Variants in NOL4L observed in about 807,000 individuals in gnomAD.
The protein encoded by NOL4L is nucleolar protein 4 like, also known as nucleolar protein 4-like.
Under a neutral mutation model 64.5 loss-of-function variants are expected in NOL4L, and 7 were observed. The ratio of observed to expected loss-of-function variants is 0.11; its 90% confidence interval spans 0.06 to 0.20. The LOEUF is 0.20. NOL4L is among the 10% of genes least tolerant of loss of function. The pLI is 1.00. For missense variants in NOL4L, 680 were observed against 967.1 expected, an observed-to-expected ratio of 0.70 and a Z score of 3.94; for synonymous variants, 413 against 401.0, an observed-to-expected ratio of 1.03 and a Z score of -0.36.
intron 1 of NOL4L, 72 bp from the exon 2 acceptor site, chr20:32,527,985 G>T (rs754252937): frequency 4.5e-5 from 66 of 1,468,142 alleles, no homozygotes; most frequent in Non-Finnish European, 5.9e-5. Context: ...CTGAGGCCGG[G>T]GCAAGGGGTC....
intron 4 of NOL4L, among the ~76,000 whole-genome samples, chr20:32,487,921 G>A (rs1468364621): frequency 4.4e-5 from 6 of 135,198 alleles, no homozygotes; most frequent in Non-Finnish European, 7.6e-5. Flanking sequence ...CACAGTTTTT[G>A]TTTGTTGGTT....
At chr20:32,535,823 G>A (rs1401681125) in intron 1 of NOL4L, 2 of 985,458 alleles carry the variant, frequency 2.0e-6, no homozygotes, top group Non-Finnish European at 2.4e-6. Flanking sequence ...AGAAGGAGAG[G>A]GGCTGGGGAA....
In NOL4L at chr20:32,504,128, TG is replaced by T. The variant is rs1322722201; in HGVS notation, c.699+7218del. 7.2e-5 allele frequency among the ~76,000 whole-genome samples: 11 copies of T among 152,338 alleles called. No homozygotes were observed. The East Asian group carries it at 2.1e-3, about 29-fold the overall frequency. On this transcript the variant is annotated intron_variant, in intron 4 of 10. Coordinates refer to ENST00000621426, the MANE Select transcript of NOL4L (RefSeq NM_001256798.2). ...TATATGTATACATAAATCTCTTTTT[TG>T]TGGTTTCTTCGTTTAGTCCCCATGT...
At chr20:32,497,624 C>G (rs1310051857) in intron 4 of NOL4L, among the ~76,000 whole-genome samples, 2 of 152,172 alleles carry the variant, frequency 1.3e-5, no homozygotes, top group Non-Finnish European at 2.9e-5. Context: ...CGAATCCCTT[C>G]TGGGTCTTGG....
At position 32,448,182 on chromosome 20, in the gene NOL4L, C is replaced by G. The variant is rs182379924; in HGVS notation, c.1823-366G>C. Among the ~76,000 whole-genome samples the G allele has an allele frequency of 2.6e-5, 4 of 152,328 alleles. No individual in the cohort carries two copies. In the East Asian group the frequency reaches 7.7e-4, roughly 29 times the overall value. ...TGTGGGACAAGTGCTAAAAGAAAGC[C>G]TCTGCCAGTGTGCCTAAAGGAGCAG... On this transcript the variant is annotated intron_variant, in intron 10 of 10. Transcript: ENST00000621426.
chr20:32,488,728 CTTTCT>C (rs1471356739), intron 4 of NOL4L, among the ~76,000 whole-genome samples: 3 of 151,374 alleles, frequency 2.0e-5, no homozygotes, highest in African/African-American at 7.3e-5. Context: ...CTTTTTCTTT[CTTTCT>C]TTTCTTTCTT....
intron 10 of NOL4L, among the ~76,000 whole-genome samples, chr20:32,451,381 C>T (rs1266158343): frequency 6.6e-6 from 1 of 152,230 alleles, no homozygotes; most frequent in African/African-American, 2.4e-5. Context: ...AACCCGAGTG[C>T]CTGGCCCAAG....
rs73613781 is a variant in NOL4L at position 32,538,700 on chromosome 20, G to A, written c.322-10787C>T. The stretch of plus-strand genomic sequence containing the variant: ...TCCAACCTCACCGTTTCCTGCCTCC[G>A]CTCTCCCCATCTCTCAGTAGCAGAG... On this transcript the variant is annotated intron_variant, in intron 1 of 10. Transcript: ENST00000621426. Among the ~76,000 whole-genome samples, 102 of 152,280 alleles carry A rather than the reference G, an allele frequency of 6.7e-4. No individual in the cohort carries two copies. In the East Asian group the frequency reaches 0.016, roughly 24 times the overall value.
intron 4 of NOL4L, among the ~76,000 whole-genome samples, chr20:32,506,590 G>A (rs1190036518): frequency 6.6e-6 from 1 of 152,124 alleles, no homozygotes; most frequent in Non-Finnish European, 1.5e-5. Context: ...GAACCCAGGA[G>A]GCAGAGGTTG....
At chr20:32,483,796 G>A (rs1305645194) in intron 4 of NOL4L, among the ~76,000 whole-genome samples, 1 of 138,200 alleles carries the variant, frequency 7.2e-6, no homozygotes, top group Non-Finnish European at 1.6e-5. Flanking sequence ...CACCCAGGGA[G>A]AGGGGAGAGG....
In NOL4L at chr20:32,488,880, T is replaced by TTTC. The variant is rs1555796791; in HGVS notation, c.700-14141_700-14139dup. Among the ~76,000 whole-genome samples the TTTC allele has an allele frequency of 8.0e-5, 8 of 99,968 alleles. No homozygotes were observed. The East Asian group carries it at 1.5e-3, about 18-fold the overall frequency. 65.6% of individuals were successfully genotyped at this position (99,968 alleles called of 152,430 possible). On this transcript the variant is annotated intron_variant, in intron 4 of 10. Coordinates refer to ENST00000621426, the MANE Select transcript of NOL4L (RefSeq NM_001256798.2). ...CTTTCTTTCTTTCTTTCTTTCTTTC[T>TTTC]TTCTTTCTTTCTTTCCTCTCTCTTT...
At chr20:32,454,734 C>A (rs2013306853) in intron 6 of NOL4L, among the ~76,000 whole-genome samples, 1 of 152,256 alleles carries the variant, frequency 6.6e-6, no homozygotes, top group Non-Finnish European at 1.5e-5. Flanking sequence ...GGGACACTGT[C>A]CCTGCCCTCA....
At chr20:32,525,839 C>A (rs1415484488) in intron 2 of NOL4L, among the ~76,000 whole-genome samples, 9 of 152,266 alleles carry the variant, frequency 5.9e-5, no homozygotes, top group Admixed American at 4.6e-4. Flanking sequence ...CTCACTGCAA[C>A]CTCTGTTTCC....
At chr20:32,449,867 A>T (rs963072486) in intron 10 of NOL4L, 1 of 152,412 alleles carries the variant, frequency 6.6e-6, no homozygotes, top group Non-Finnish European at 1.5e-5. Context: ...GCCTCCTGGC[A>T]TAGTCAACAT....
chr20:32,562,984 G>A (rs115344768), intron 1 of NOL4L, among the ~76,000 whole-genome samples: 46 of 52,728 alleles, frequency 8.7e-4, no homozygotes, highest in African/African-American at 4.0e-3. Flanking sequence ...GGGGTGGAGA[G>A]TGGAGGGCAG....
intron 1 of NOL4L, among the ~76,000 whole-genome samples, chr20:32,529,426 A>G (rs1433214779): frequency 6.6e-6 from 1 of 152,216 alleles, no homozygotes; most frequent in African/African-American, 2.4e-5. Context: ...CCTGAGGTAC[A>G]GTGGCTGGTG....
At position 32,443,469 on chromosome 20, in the gene NOL4L, T is replaced by G. The variant is rs1424751236; in HGVS notation, c.*4127A>C. 1 of 152,254 alleles carries G rather than the reference T, an allele frequency of 6.6e-6. No homozygotes were observed. 9.4% of individuals were successfully genotyped at this position (152,254 alleles called of 1,614,324 possible). The stretch of plus-strand genomic sequence containing the variant: ...TATAATTTAGAGGTGAAGCCATTAA[T>G]AGAGTCACCTTTAAAAGTTGGTGCC... On this transcript the variant is annotated 3_prime_UTR_variant, in exon 11 of 11. Transcript: ENST00000621426.
chr20:32,452,760 C>T lies in NOL4L; in HGVS notation c.1620+124G>A. 4 of 1,458,374 alleles carry T rather than the reference C, an allele frequency of 2.7e-6. No individual in the cohort carries two copies. The East Asian group carries it at 6.9e-5, about 25-fold the overall frequency. 90.3% of individuals were successfully genotyped at this position (1,458,374 alleles called of 1,614,324 possible). A position where few individuals can be genotyped will look rare whatever the true frequency, so the allele number is the denominator to read the frequency against. ...CACCTCCTCTCCTTGTCTTTGCCCT[C>T]CTGTTCCCCCTCTGCCCTTCTCCCG... On this transcript the variant is annotated intron_variant, in intron 9 of 10. Coordinates refer to ENST00000621426, the MANE Select transcript of NOL4L (RefSeq NM_001256798.2).
chr20:32,450,658 C>G (rs1356887440), intron 10 of NOL4L, among the ~76,000 whole-genome samples: 1 of 152,158 alleles, frequency 6.6e-6, no homozygotes, highest in Non-Finnish European at 1.5e-5. Context: ...GCAGCCGCAG[C>G]CCTGAAATAG....
Sources: allele counts gnomAD v4.1 joint callset (sites outside exome capture counted in the v4.1 genomes callset), GRCh38; gene constraint gnomAD v4.1.1; transcripts MANE v1.5; gene names NCBI Gene and HGNC (gene_info 2026-07-23, HGNC 2026-07-21).